Variants in GRM4 observed in about 807,000 individuals in gnomAD.
GRM4 encodes glutamate metabotropic receptor 4.
A neutral mutation model predicts 81.7 loss-of-function variants in GRM4; 28 were observed. The observed-to-expected ratio is 0.34, with a 90% CI of 0.25 to 0.47. The LOEUF is 0.47. Among genes scored for constraint, GRM4 ranks in the 20% least tolerant of loss-of-function variants. The probability of loss-of-function intolerance (pLI) is 1.00; values close to 1 mark genes in which losing one functional copy is unlikely to be tolerated. For synonymous variants in GRM4, 488 were observed against 528.8 expected, an observed-to-expected ratio of 0.92 and a Z score of 1.06; for missense variants, 948 against 1,290.0, an observed-to-expected ratio of 0.73 and a Z score of 4.06.
chr6:34,105,330 G>A (rs1039641169), intron 2 of GRM4, among the ~76,000 whole-genome samples: 1 of 152,128 alleles, frequency 6.6e-6, no homozygotes, highest in African/African-American at 2.4e-5. Flanking sequence ...AAACCAGCTT[G>A]GAAGGAAGAT....
chr6:34,131,370 A>G, intron 2 of GRM4, among the ~76,000 whole-genome samples: 1 of 152,228 alleles, frequency 6.6e-6, no homozygotes, highest in East Asian at 1.9e-4. Flanking sequence ...AGTCTTCATA[A>G]TGCATCCATT....
intron 1 of GRM4, among the ~76,000 whole-genome samples, chr6:34,153,336 CCTG>C (rs1771084066): frequency 6.6e-6 from 1 of 152,190 alleles, no homozygotes; most frequent in Non-Finnish European, 1.5e-5. Flanking sequence ...GGCCTCAGTC[CCTG>C]CCCCAGATTC....
chr6:34,147,882 A>G (rs1044475337), upstream of GRM4, among the ~76,000 whole-genome samples: 1 of 149,718 alleles, frequency 6.7e-6, no homozygotes, highest in Admixed American at 6.7e-5. Flanking sequence ...ACAGAACAGA[A>G]TCCTCAATAT....
At chr6:34,045,627 C>A (rs553318791) in intron 6 of GRM4, among the ~76,000 whole-genome samples, 9 of 152,194 alleles carry the variant, frequency 5.9e-5, no homozygotes, top group African/African-American at 2.2e-4. Context: ...CCAGGCCCTG[C>A]CCCCATTGTC....
At position 34,096,711 on chromosome 6, in the gene GRM4, G is replaced by A. The variant is rs139935435; in HGVS notation, c.520-4612C>T. On this transcript the variant is annotated intron_variant, in intron 2 of 10. Coordinates refer to ENST00000538487, the MANE Select transcript of GRM4 (RefSeq NM_000841.4). ...TGTATGGCCCCTGGAGTGACACGCA[G>A]TGTGCCTGCAGCCACCACCCAGGAG... 7.9e-5 allele frequency among the ~76,000 whole-genome samples: 12 copies of A among 152,302 alleles called. 1 individual carries two copies. The highest frequency in any genetic ancestry group is 2.1e-4 in the South Asian group (1 of 4,824).
At chr6:34,132,835 A>G in intron 2 of GRM4, 143 bp downstream of exon 2, 2 of 630,776 alleles carry the variant, frequency 3.2e-6, no homozygotes, top group Non-Finnish European at 5.4e-6. Context: ...ATTCTCAGAC[A>G]CTGCTCTGAG....
intron 2 of GRM4, among the ~76,000 whole-genome samples, chr6:34,126,816 C>T (rs947380736): frequency 6.6e-4 from 100 of 152,230 alleles, no homozygotes; most frequent in African/African-American, 2.2e-3. Flanking sequence ...CCACCGTCTG[C>T]CTGCATCAGC....
At chr6:34,151,172 G>C (rs1771036945) in intron 1 of GRM4, among the ~76,000 whole-genome samples, 2 of 152,208 alleles carry the variant, frequency 1.3e-5, no homozygotes, top group Admixed American at 1.3e-4. Flanking sequence ...TAGCTAAGGG[G>C]GAGTGGGATA....
intron 2 of GRM4, among the ~76,000 whole-genome samples, chr6:34,118,313 G>A (rs1250426138): frequency 6.6e-6 from 1 of 152,160 alleles, no homozygotes; most frequent in Non-Finnish European, 1.5e-5. Context: ...ATAGAGCAAG[G>A]GCTGACCTGA....
Position 34,064,796 on chromosome 6 carries a change from T to C in GRM4, c.737-2768A>G, listed in dbSNP as rs1467629787. Among the ~76,000 whole-genome samples, 2 of 152,286 alleles carry C rather than the reference T, an allele frequency of 1.3e-5. No homozygotes were observed. The highest frequency in any genetic ancestry group is 1.3e-4 in the Admixed American group (2 of 15,308). ...GAGAGGCCACTGAGCACCCCCTGCA[T>C]GCCTGGCACCATGCGAGGCCCAGTC... On this transcript the variant is annotated intron_variant, in intron 3 of 10. Transcript: ENST00000538487. This position sits in a 1 kb window ranked among gnomAD's most constrained non-coding sequence, Gnocchi z 4.4.
At position 34,056,535 on chromosome 6, in the gene GRM4, C is replaced by G. The variant is rs1183825248; in HGVS notation, c.1168+9G>C. The G allele has an allele frequency of 3.1e-6, 5 of 1,610,588 alleles. No individual in the cohort carries two copies. Among genetic ancestry groups the G allele is most frequent in the Non-Finnish European group, 4.2e-6 (5 of 1,178,592 alleles). ...AGCCCGCCCGGCCCTGCCCGGCCCG[C>G]GTGCTCACTGGTGCACTTCTTGACG... On this transcript the variant is annotated intron_variant, in intron 6 of 10. Coordinates refer to ENST00000538487, the MANE Select transcript of GRM4 (RefSeq NM_000841.4).
At chr6:34,033,400 T>C (rs187241139) in intron 9 of GRM4, among the ~76,000 whole-genome samples, 11 of 150,466 alleles carry the variant, frequency 7.3e-5, no homozygotes, top group Middle Eastern at 3.4e-3. Flanking sequence ...GGGAAGGGTG[T>C]GCTGGGGATG....
In GRM4 at chr6:34,097,273, G is replaced by A. The variant is rs2251617; in HGVS notation, c.520-5174C>T. On this transcript the variant is annotated intron_variant, in intron 2 of 10. Transcript: ENST00000538487. ...ACAGTCTGTGTGAAGACCCCAGCAG[G>A]GAGGGGTATTTGAGGCCAAGGTGTT... is the stretch of plus-strand genomic sequence containing the variant. Among the ~76,000 whole-genome samples the A allele has an allele frequency of 2.6e-3, 402 of 152,188 alleles. 1 individual carries two copies. The highest frequency in any genetic ancestry group is 8.8e-3 in the African/African-American group (366 of 41,536).
chr6:34,096,202 A>G (rs1241405160), intron 2 of GRM4, among the ~76,000 whole-genome samples: 1 of 152,084 alleles, frequency 6.6e-6, no homozygotes, highest in African/African-American at 2.4e-5. Flanking sequence ...CAAGAGTCAG[A>G]ACTCAGATTC....
intron 3 of GRM4, among the ~76,000 whole-genome samples, chr6:34,066,698 A>G (rs1766484293): frequency 1.3e-5 from 2 of 152,084 alleles, no homozygotes; most frequent in South Asian, 4.1e-4. Context: ...AGAGAGGAAC[A>G]GGACTGAAGA....
At chr6:34,073,555 C>A (rs1226685599) in intron 3 of GRM4, among the ~76,000 whole-genome samples, 3 of 151,998 alleles carry the variant, frequency 2.0e-5, no homozygotes, top group African/African-American at 7.3e-5. Context: ...ACACAGGTAA[C>A]CCTGGACAGT....
Position 34,089,994 on chromosome 6 carries a change from T to A in GRM4, c.736+1889A>T, listed in dbSNP as rs754326935. On this transcript the variant is annotated intron_variant, in intron 3 of 10. Transcript: ENST00000538487. This position sits in a 1 kb window ranked among gnomAD's most constrained non-coding sequence, Gnocchi z 4.3. ...AGACCTCTAGTTCCGGAGCCAGCCA[T>A]CCTGGGTTCAAATCCCTTCTCCACC... Among the ~76,000 whole-genome samples, 1 of 152,182 alleles carries A rather than the reference T, an allele frequency of 6.6e-6. No individual in the cohort carries two copies. Among genetic ancestry groups the A allele is most frequent in the South Asian group, 2.1e-4 (1 of 4,818 alleles).
intron 3 of GRM4, among the ~76,000 whole-genome samples, chr6:34,086,708 C>T (rs1273831548): frequency 6.6e-6 from 1 of 152,204 alleles, no homozygotes; most frequent in Non-Finnish European, 1.5e-5. Flanking sequence ...AAATCCTGCC[C>T]CTGCCACTTC....
Position 34,047,981 on chromosome 6 carries a change from C to T in GRM4, c.1169-7233G>A, listed in dbSNP as rs1765434921. 1.3e-5 allele frequency among the ~76,000 whole-genome samples: 2 copies of T among 152,172 alleles called. No individual in the cohort carries two copies. Among genetic ancestry groups the T allele is most frequent in the Admixed American group, 1.3e-4 (2 of 15,284 alleles). On this transcript the variant is annotated intron_variant, in intron 6 of 10. Transcript: ENST00000538487. This position sits in a 1 kb window ranked among gnomAD's most constrained non-coding sequence, Gnocchi z 4.5. ...AGCAAAAAAACACTAAGGAGAGAAG[C>T]TGAGAGCTTGGCTATGACAGTGAAG... is the stretch of plus-strand genomic sequence containing the variant.
Sources: allele counts gnomAD v4.1 joint callset (sites outside exome capture counted in the v4.1 genomes callset), GRCh38; gene constraint gnomAD v4.1.1; non-coding constraint Gnocchi (gnomAD v3.1); transcripts MANE v1.5; gene names NCBI Gene and HGNC (gene_info 2026-07-23, HGNC 2026-07-21).